The following RALGPS1 variants were observed in gnomAD, a reference collection of about 807,000 sequenced individuals.
RALGPS1 encodes the protein Ral GEF with PH domain and SH3 binding motif 1.
RALGPS1 carries 19 observed loss-of-function variants against 78.8 expected under a neutral mutation model. That is an observed-to-expected ratio of 0.24 (90% CI 0.17 to 0.35). The LOEUF (loss-of-function observed/expected upper bound fraction) is 0.35, where lower values mean the gene tolerates loss of function less well. Ranked by LOEUF, RALGPS1 falls within the 10% of genes least tolerant of loss-of-function variation. RALGPS1 has a pLI of 1.00. For synonymous variants in RALGPS1, 228 were observed against 256.3 expected, an observed-to-expected ratio of 0.89 and a Z score of 1.06; for missense variants, 454 against 688.3, an observed-to-expected ratio of 0.66 and a Z score of 3.81.
intron 8 of RALGPS1, among the ~76,000 whole-genome samples, chr9:127,084,702 C>T (rs2051523055): frequency 2.0e-5 from 3 of 152,222 alleles, no homozygotes; most frequent in African/African-American, 7.2e-5. Context: ...CTCTCCAGGA[C>T]CTTCTTTCTA....
intron 11 of RALGPS1, chr9:127,177,974 T>G: frequency 6.5e-7 from 1 of 1,545,716 alleles, no homozygotes. Context: ...GGACCCCAGA[T>G]GGTTCACATG....
intron 4 of RALGPS1, among the ~76,000 whole-genome samples, chr9:126,998,327 A>G (rs1197112967): frequency 6.6e-6 from 1 of 152,176 alleles, no homozygotes; most frequent in East Asian, 1.9e-4. Flanking sequence ...CAAGAAAAAA[A>G]CAAACAACCC....
chr9:127,142,191 C>T (rs1226423849), intron 8 of RALGPS1, among the ~76,000 whole-genome samples: 2 of 152,330 alleles, frequency 1.3e-5, no homozygotes, highest in Non-Finnish European at 2.9e-5. Flanking sequence ...CAGGAGATGC[C>T]TCTAAGAGGG....
At chr9:127,126,156 CA>C (rs1410469622) in intron 8 of RALGPS1, among the ~76,000 whole-genome samples, 1 of 152,138 alleles carries the variant, frequency 6.6e-6, no homozygotes, top group Non-Finnish European at 1.5e-5. Context: ...CCCCTACCCC[CA>C]ACTCCCTGCT....
chr9:127,065,941 T>C (rs1461666535), intron 7 of RALGPS1, among the ~76,000 whole-genome samples: 1 of 152,276 alleles, frequency 6.6e-6, no homozygotes, highest in Non-Finnish European at 1.5e-5. Flanking sequence ...TGCACTATTC[T>C]TGAGAAATCT....
At chr9:127,096,327 G>C (rs886188811) in intron 8 of RALGPS1, among the ~76,000 whole-genome samples, 5 of 152,212 alleles carry the variant, frequency 3.3e-5, no homozygotes, top group African/African-American at 1.2e-4. Flanking sequence ...AGGCCTCCCA[G>C]CTCCTTACCA....
At chr9:127,153,845 T>C (rs1399387538) in intron 8 of RALGPS1, among the ~76,000 whole-genome samples, 1 of 152,214 alleles carries the variant, frequency 6.6e-6, no homozygotes, top group Non-Finnish European at 1.5e-5. Context: ...AAATTGCTGC[T>C]GGAGAACCAG....
intron 5 of RALGPS1, 66 bp from the exon 6 acceptor site, chr9:127,049,977 G>T: frequency 8.6e-7 from 1 of 1,169,178 alleles, no homozygotes; most frequent in Non-Finnish European, 1.3e-6. Context: ...GGGGGACACG[G>T]GTGGTCCAGC....
chr9:127,209,788 GC>G (rs1161931088), intron 14 of RALGPS1, among the ~76,000 whole-genome samples: 4 of 152,160 alleles, frequency 2.6e-5, no homozygotes, highest in African/African-American at 9.7e-5. Context: ...TGTGAGGGCG[GC>G]CCCACACTAC....
At position 127,183,522 on chromosome 9, in the gene RALGPS1, ACCTGCCTGTGG is replaced by A. The variant is rs1176778863; in HGVS notation, c.910+8743_910+8753del. Among the ~76,000 whole-genome samples, 1 of 151,920 alleles carries A rather than the reference ACCTGCCTGTGG, an allele frequency of 6.6e-6. No homozygotes were observed. The highest frequency in any genetic ancestry group is 1.5e-5 in the Non-Finnish European group (1 of 67,974). On this transcript the variant is annotated intron_variant, in intron 11 of 18. Coordinates refer to ENST00000259351, the MANE Select transcript of RALGPS1 (RefSeq NM_014636.3). This position sits in a 1 kb window ranked among gnomAD's most constrained non-coding sequence, Gnocchi z 4.0. ...TCTAACAGACCTGTGAGCACAACAG[ACCTGCCTGTGG>A]CCACCGCTGTCTTCTGGCACAGCCG... is the stretch of plus-strand genomic sequence containing the variant.
At chr9:126,976,376 CTT>C (rs376413328) in intron 3 of RALGPS1, among the ~76,000 whole-genome samples, 3 of 149,090 alleles carry the variant, frequency 2.0e-5, no homozygotes, top group Non-Finnish European at 4.5e-5. Flanking sequence ...CATACACACA[CTT>C]ATACGCTTAC....
At chr9:126,951,747 TG>T (rs1436613374) in intron 1 of RALGPS1, among the ~76,000 whole-genome samples, 1 of 152,240 alleles carries the variant, frequency 6.6e-6, no homozygotes, top group East Asian at 1.9e-4. Context: ...GCATTCCCTT[TG>T]AAAACTGGCA....
At chr9:126,982,905 T>A (rs1356097539) in intron 4 of RALGPS1, among the ~76,000 whole-genome samples, 4 of 95,016 alleles carry the variant, frequency 4.2e-5, no homozygotes, top group African/African-American at 1.4e-4. Flanking sequence ...TCTTCTTTTC[T>A]TCTTCTTCTT....
At chr9:127,139,961 C>G (rs2057657296) in intron 8 of RALGPS1, among the ~76,000 whole-genome samples, 1 of 152,224 alleles carries the variant, frequency 6.6e-6, no homozygotes, top group Admixed American at 6.5e-5. Context: ...CAGCCGCCAT[C>G]CGCTCATGGC....
chr9:127,004,341 T>C (rs1381615439), intron 4 of RALGPS1, among the ~76,000 whole-genome samples: 1 of 152,232 alleles, frequency 6.6e-6, no homozygotes, highest in African/African-American at 2.4e-5. Context: ...AGACAGTGTT[T>C]CGCAATGTTG....
chr9:127,089,372 C>G (rs181703411), intron 8 of RALGPS1, among the ~76,000 whole-genome samples: 47 of 152,318 alleles, frequency 3.1e-4, no homozygotes, highest in African/African-American at 1.1e-3. Context: ...CCTCTCCCAG[C>G]CACTGTATCC....
chr9:127,131,268 A>G (rs768815338), intron 8 of RALGPS1, among the ~76,000 whole-genome samples: 5 of 152,232 alleles, frequency 3.3e-5, no homozygotes, highest in Admixed American at 6.5e-5. Flanking sequence ...ATTTGTAAAT[A>G]AAAATAACTG....
At chr9:127,191,661 C>T (rs1252900050) in intron 11 of RALGPS1, among the ~76,000 whole-genome samples, 1 of 151,440 alleles carries the variant, frequency 6.6e-6, no homozygotes, top group African/African-American at 2.4e-5. Flanking sequence ...TTTTCTTTTC[C>T]ATCAGGTTTT....
At chr9:126,979,380 C>T (rs369755303) in intron 4 of RALGPS1, among the ~76,000 whole-genome samples, 3 of 152,018 alleles carry the variant, frequency 2.0e-5, no homozygotes, top group East Asian at 3.9e-4. Flanking sequence ...GTGGTATGAT[C>T]CATTATTTCT....
Sources: gnomAD v4.1 joint callset for allele counts (sites outside exome capture counted in the v4.1 genomes callset) on GRCh38, gnomAD v4.1.1 for gene constraint, Gnocchi (gnomAD v3.1) non-coding constraint, MANE v1.5 for transcripts, NCBI Gene and HGNC (gene_info 2026-07-23, HGNC 2026-07-21) for gene names.